Variants in HNRNPUL2 observed in about 807,000 individuals in gnomAD.
The protein encoded by HNRNPUL2 is heterogeneous nuclear ribonucleoprotein U like 2.
In HNRNPUL2, 27 loss-of-function variants were observed where a neutral mutation model predicts 102.2. The ratio of observed to expected loss-of-function variants is 0.26; its 90% confidence interval spans 0.19 to 0.36. The LOEUF (loss-of-function observed/expected upper bound fraction) is 0.36, where lower values mean the gene tolerates loss of function less well. Ranked by LOEUF, HNRNPUL2 falls within the 10% of genes least tolerant of loss-of-function variation. The pLI is 1.00. For synonymous variants in HNRNPUL2, 458 were observed against 387.2 expected, an observed-to-expected ratio of 1.18 and a Z score of -2.15; for missense variants, 936 against 981.1, an observed-to-expected ratio of 0.95 and a Z score of 0.61.
chr11:62,727,164 GCCGCCTCCT>G lies in HNRNPUL2; in HGVS notation c.-17_-9del. On this transcript the variant is annotated 5_prime_UTR_variant, in exon 1 of 14. Coordinates refer to ENST00000301785, the MANE Select transcript of HNRNPUL2 (RefSeq NM_001079559.3). ...CAGCCGCTTCACCTCCATCGCCGCC[GCCGCCTCCT>G]CCGCCTCCCGCCGCCTCCTCCCCTG... The G allele has an allele frequency of 7.0e-7, 1 of 1,427,168 alleles. No homozygotes were observed. Among genetic ancestry groups the G allele is most frequent in the Non-Finnish European group, 9.2e-7 (1 of 1,091,814 alleles). 88.4% of individuals were successfully genotyped at this position (1,427,168 alleles called of 1,614,324 possible).
Position 62,727,019 on chromosome 11 carries a change from G to A in HNRNPUL2, c.138C>T (p.Ala46=). ...CGCCGGGCCCGGCCCCGCCGCCGCC[G>A]GCCTCGTCCTCGAGCATCTCGGCGT... ...ALDAEMLEDE[A]GGGGAGPGGA... Residue 46 remains alanine, a synonymous_variant, in exon 1 of 14, where the codon GCC becomes GCT. Transcript: ENST00000301785. 4.4e-6 allele frequency: 6 copies of A among 1,374,962 alleles called. No homozygotes were observed. Among genetic ancestry groups the A allele is most frequent in the East Asian group, 3.1e-5 (1 of 31,812 alleles). 85.2% of individuals were successfully genotyped at this position (1,374,962 alleles called of 1,614,324 possible). A position where few individuals can be genotyped will look rare whatever the true frequency, so the allele number is the denominator to read the frequency against.
chr11:62,727,164 G>GCCGCCTCCTCCGCCTCCCGCCGCCT lies in HNRNPUL2; in HGVS notation c.-33_-9dup, dbSNP rs2083761334. On this transcript the variant is annotated 5_prime_UTR_variant, in exon 1 of 14. Coordinates refer to ENST00000301785, the MANE Select transcript of HNRNPUL2 (RefSeq NM_001079559.3). ...CAGCCGCTTCACCTCCATCGCCGCC[G>GCCGCCTCCTCCGCCTCCCGCCGCCT]CCGCCTCCTCCGCCTCCCGCCGCCT... is the stretch of plus-strand genomic sequence containing the variant. 1 of 1,427,052 alleles carries GCCGCCTCCTCCGCCTCCCGCCGCCT rather than the reference G, an allele frequency of 7.0e-7. No individual in the cohort carries two copies. 88.4% of individuals were successfully genotyped at this position (1,427,052 alleles called of 1,614,324 possible). A position where few individuals can be genotyped will look rare whatever the true frequency, so the allele number is the denominator to read the frequency against.
Position 62,715,329 on chromosome 11 carries a change from C to T in HNRNPUL2, c.2214G>A (p.Arg738=). Residue 738 remains arginine (R), a synonymous_variant, in exon 14 of 14, where the codon AGG becomes AGA. Transcript: ENST00000301785. ...HHPQDRDRYY[R]NYYGYQGYR is the part of the protein sequence containing the mutation. ...GATACCCTTGGTACCCGTAGTAATT[C>T]CTGTAGTATCGGTCTCTGTCCTGGG... The T allele has an allele frequency of 6.2e-7, 1 of 1,613,188 alleles. No individual in the cohort carries two copies. The highest frequency in any genetic ancestry group is 8.5e-7 in the Non-Finnish European group (1 of 1,179,790).
In HNRNPUL2 at chr11:62,722,800, G is replaced by C. The variant is rs1002042717; in HGVS notation, c.982+13C>G. On this transcript the variant is annotated intron_variant, in intron 5 of 13. Transcript: ENST00000301785. ...AGTAAACACTAATGAGGAACTTAAA[G>C]AAATAACTTTACCAAGCTGTGGACG... The C allele has an allele frequency of 6.2e-7, 1 of 1,613,366 alleles. No homozygotes were observed. The highest frequency in any genetic ancestry group is 1.1e-5 in the South Asian group (1 of 91,056).
intron 11 of HNRNPUL2, 42 bp from the exon 12 acceptor site, chr11:62,715,979 G>T: frequency 1.2e-5 from 18 of 1,490,126 alleles, no homozygotes; most frequent in Non-Finnish European, 1.5e-5. Flanking sequence ...GCTGGCATGG[G>T]GTCCTGGCTC....
intron 10 of HNRNPUL2, among the ~76,000 whole-genome samples, chr11:62,719,514 CATTTATCT>C (rs1167281795): frequency 2.0e-5 from 3 of 152,172 alleles, no homozygotes. Context: ...TCTGTTCATT[CATTTATCT>C]ACAAGTGCTC....
At chr11:62,724,153 T>C in intron 2 of HNRNPUL2, 138 bp downstream of exon 2, 2 of 1,234,384 alleles carry the variant, frequency 1.6e-6, no homozygotes, top group Non-Finnish European at 2.3e-6. Flanking sequence ...GTTTCCATGG[T>C]AGATGCAATC....
rs775369061 is a variant in HNRNPUL2 at position 62,722,590 on chromosome 11, G to A, written c.1095+11C>T. 1 of 1,601,294 alleles carries A rather than the reference G, an allele frequency of 6.2e-7. No homozygotes were observed. The highest frequency in any genetic ancestry group is 8.6e-7 in the Non-Finnish European group (1 of 1,168,434). On this transcript the variant is annotated intron_variant, in intron 6 of 13. Coordinates refer to ENST00000301785, the MANE Select transcript of HNRNPUL2 (RefSeq NM_001079559.3). ...TCCTTGTTATAACCCACAACTTTCA[G>A]GAGCACTTACAGCAAAGCAGCCAAT...
chr11:62,721,550 T>C, intron 8 of HNRNPUL2, 127 bp from the exon 9 acceptor site: 1 of 937,510 alleles, frequency 1.1e-6, no homozygotes, highest in Non-Finnish European at 1.6e-6. Context: ...TCTATTCCCA[T>C]TCTTCAGTGC....
intron 10 of HNRNPUL2, among the ~76,000 whole-genome samples, chr11:62,719,712 C>T (rs1158254193): frequency 6.6e-6 from 1 of 152,148 alleles, no homozygotes; most frequent in African/African-American, 2.4e-5. Context: ...AATACTTAAT[C>T]CCCAATGAGC....
intron 2 of HNRNPUL2, 91 bp from the exon 3 acceptor site, chr11:62,724,081 T>C (rs941729888): frequency 8.1e-7 from 1 of 1,227,340 alleles, no homozygotes; most frequent in African/African-American, 1.5e-5. Context: ...CATTTTAAAC[T>C]GTCAGTGAAT....
intron 8 of HNRNPUL2, 49 bp from the exon 9 acceptor site, chr11:62,721,472 A>G: frequency 6.6e-7 from 1 of 1,524,044 alleles, no homozygotes; most frequent in Non-Finnish European, 8.8e-7. Context: ...CACAAGTTAT[A>G]TTGCAAGTTA....
At position 62,726,528 on chromosome 11, in the gene HNRNPUL2, A is replaced by C. The variant is rs1055002149; in HGVS notation, c.538+91T>G. 3 of 1,295,612 alleles carry C rather than the reference A, an allele frequency of 2.3e-6. No individual in the cohort carries two copies. The South Asian group carries it at 4.8e-5, about 21-fold the overall frequency. The allele number at this position is 1,295,612 out of a possible 1,614,324, so 80.3% of individuals were successfully genotyped here. A position where few individuals can be genotyped will look rare whatever the true frequency, so the allele number is the denominator to read the frequency against. On this transcript the variant is annotated intron_variant, in intron 1 of 13. Coordinates refer to ENST00000301785, the MANE Select transcript of HNRNPUL2 (RefSeq NM_001079559.3). ...AAATGGCACTTTGAGGCAAGCGAGA[A>C]CAAGGACTCGGACCCTGCGGTGCAG...
In HNRNPUL2 at chr11:62,713,579, T is replaced by G. The variant is rs2083635311; in HGVS notation, c.*1720A>C. 2.0e-5 allele frequency: 3 copies of G among 152,206 alleles called. No homozygotes were observed. Among genetic ancestry groups the G allele is most frequent in the Non-Finnish European group, 4.4e-5 (3 of 68,064 alleles). 9.4% of individuals were successfully genotyped at this position (152,206 alleles called of 1,614,324 possible). ...TTCCAGCCTTGGGGTCAGAGGTATT[T>G]GGGCGGAAGGGTGTGTCATGACAGA... On this transcript the variant is annotated 3_prime_UTR_variant, in exon 14 of 14. Transcript: ENST00000301785.
At position 62,723,607 on chromosome 11, in the gene HNRNPUL2, T is replaced by G. The variant is rs1156521679; in HGVS notation, c.871A>C (p.Lys291Gln). The G allele has an allele frequency of 1.9e-6, 3 of 1,611,296 alleles. No homozygotes were observed. The Admixed American group carries it at 5.0e-5, about 27-fold the overall frequency. Residue 291 changes from lysine (K) to glutamine (Q), a missense_variant, in exon 4 of 14, where the codon AAA becomes CAA. Transcript: ENST00000301785. ...GCTACCTTTGCCTCAAAGCAGACTT[T>G]TCCCTTTGTCACTCCGTAAGTACTC... ...ARSTYGVTKG[K>Q]VCFEAKVTQN...
In HNRNPUL2 at chr11:62,726,638, G is replaced by A; in HGVS notation, c.519C>T (p.Asp173=). ...CCTCACCCTGTTCCTCGGCGGCCTT[G>A]TCACCCGGCACCTCGGATCCCGGCG... is the stretch of plus-strand genomic sequence containing the variant. ...DETPGSEVPG[D]KAAEEQGDDQ... is the part of the protein sequence containing the mutation. The change falls in exon 1 of 14, where the codon GAC becomes GAT. Residue 173 remains aspartate, a synonymous_variant. Coordinates refer to ENST00000301785, the MANE Select transcript of HNRNPUL2 (RefSeq NM_001079559.3). 1 of 1,593,518 alleles carries A rather than the reference G, an allele frequency of 6.3e-7. No homozygotes were observed. Among genetic ancestry groups the A allele is most frequent in the Non-Finnish European group, 8.5e-7 (1 of 1,176,442 alleles).
In HNRNPUL2 at chr11:62,726,789, GCCGCGGCCTCCATGGCTGCCGCCT is replaced by G. The variant is rs754055607; in HGVS notation, c.344_367del (p.Glu115_Ala122del). On this transcript the variant is annotated inframe_deletion, in exon 1 of 14. Coordinates refer to ENST00000301785, the MANE Select transcript of HNRNPUL2 (RefSeq NM_001079559.3). ...CGGCTTCTCGGAAGCATCTGGCTCG[GCCGCGGCCTCCATGGCTGCCGCCT>G]CCGGGGGCTCCGGCGGCGGCTGCGC... The G allele has an allele frequency of 3.1e-6, 5 of 1,599,534 alleles. No homozygotes were observed. The Admixed American group carries it at 6.7e-5, about 21-fold the overall frequency.
Position 62,725,572 on chromosome 11 carries a change from C to G in HNRNPUL2, c.538+1047G>C, listed in dbSNP as rs528372769. Among the ~76,000 whole-genome samples the G allele has an allele frequency of 2.0e-5, 3 of 152,270 alleles. No homozygotes were observed. In the South Asian group the frequency reaches 6.2e-4, roughly 32 times the overall value. On this transcript the variant is annotated intron_variant, in intron 1 of 13. Transcript: ENST00000301785. ...AAGGTTATGTAATGGGATTTTTGCT[C>G]CGGGACACAGGACAAACAATCTGCA...
chr11:62,718,562 G>C (rs1318585777), intron 10 of HNRNPUL2, among the ~76,000 whole-genome samples: 1 of 151,722 alleles, frequency 6.6e-6, no homozygotes, highest in African/African-American at 2.4e-5. Flanking sequence ...TTAGCTGGGC[G>C]GGCACCTGTA....
Sources: allele counts gnomAD v4.1 joint callset (sites outside exome capture counted in the v4.1 genomes callset), GRCh38; gene constraint gnomAD v4.1.1; transcripts MANE v1.5; gene names NCBI Gene and HGNC (gene_info 2026-07-23, HGNC 2026-07-21).